NMNAT2: variants seen among roughly 807,000 people sequenced by gnomAD.
The protein encoded by NMNAT2 is nicotinamide nucleotide adenylyltransferase 2.
A neutral mutation model predicts 41.6 loss-of-function variants in NMNAT2; 11 were observed. That is an observed-to-expected ratio of 0.26 (90% CI 0.17 to 0.44). The LOEUF is 0.44. Ranked by LOEUF, NMNAT2 falls within the 20% of genes least tolerant of loss-of-function variation. The pLI, the probability that NMNAT2 is intolerant of heterozygous loss-of-function variation, is 1.00. For missense variants in NMNAT2, 288 were observed against 407.7 expected (o/e 0.71, Z 2.53); for synonymous variants, 148 against 151.2 (o/e 0.98, Z 0.16).
intron 1 of NMNAT2, among the ~76,000 whole-genome samples, chr1:183,348,488 C>G (rs1266113619): frequency 6.6e-6 from 1 of 152,144 alleles, no homozygotes; most frequent in East Asian, 1.9e-4. Context: ...TATTTATGTT[C>G]TTTGTTCCTA....
intron 4 of NMNAT2, among the ~76,000 whole-genome samples, chr1:183,289,493 G>A (rs1172067820): frequency 2.0e-5 from 3 of 152,232 alleles, no homozygotes; most frequent in South Asian, 2.1e-4. Context: ...AGAAGCTCTC[G>A]CCTATCTGTG....
chr1:183,328,070 A>G (rs1424015682), intron 1 of NMNAT2, among the ~76,000 whole-genome samples: 2 of 152,206 alleles, frequency 1.3e-5, no homozygotes, highest in Non-Finnish European at 2.9e-5. Context: ...GACTTGGGCC[A>G]GAGAGGGGAG....
chr1:183,261,771 T>C (rs1387552918), intron 8 of NMNAT2, among the ~76,000 whole-genome samples: 1 of 152,190 alleles, frequency 6.6e-6, no homozygotes, highest in Non-Finnish European at 1.5e-5. Context: ...TAAAAACTTC[T>C]GTGGGACTCA....
intron 8 of NMNAT2, among the ~76,000 whole-genome samples, chr1:183,268,186 A>T (rs1356227049): frequency 6.6e-6 from 1 of 151,892 alleles, no homozygotes; most frequent in Non-Finnish European, 1.5e-5. Flanking sequence ...AAGAGAAAAC[A>T]CTCATGATCC....
chr1:183,289,041 G>A (rs564636472), intron 4 of NMNAT2, among the ~76,000 whole-genome samples: 18 of 152,340 alleles, frequency 1.2e-4, no homozygotes, highest in Middle Eastern at 3.4e-3. Context: ...TCCCCAGGAC[G>A]GAGCAATGAA....
chr1:183,393,995 T>C (rs958750605), intron 1 of NMNAT2, among the ~76,000 whole-genome samples: 3 of 152,138 alleles, frequency 2.0e-5, no homozygotes, highest in East Asian at 1.9e-4. Context: ...AGAGAAGAGA[T>C]GGACAATAAA....
At chr1:183,255,025 C>T (rs1660481288) in intron 10 of NMNAT2, among the ~76,000 whole-genome samples, 1 of 152,078 alleles carries the variant, frequency 6.6e-6, no homozygotes, top group Non-Finnish European at 1.5e-5. Flanking sequence ...TTTATGTTTT[C>T]TTCTGTTTTT....
intron 1 of NMNAT2, among the ~76,000 whole-genome samples, chr1:183,312,960 A>G (rs961210742): frequency 2.0e-5 from 3 of 152,104 alleles, no homozygotes; most frequent in African/African-American, 7.2e-5. Flanking sequence ...TCTTGTAATT[A>G]TTCAAGGTTA....
chr1:183,377,937 A>G (rs1663714721), intron 1 of NMNAT2, among the ~76,000 whole-genome samples: 1 of 152,246 alleles, frequency 6.6e-6, no homozygotes, highest in Non-Finnish European at 1.5e-5. Context: ...TGAAAATACT[A>G]GAAATCAAAA....
intron 7 of NMNAT2, among the ~76,000 whole-genome samples, chr1:183,280,535 C>A (rs1379488177): frequency 6.6e-6 from 1 of 151,008 alleles, no homozygotes; most frequent in Admixed American, 6.6e-5. Flanking sequence ...TTACAGGTGC[C>A]TGCCACCACA....
intron 1 of NMNAT2, among the ~76,000 whole-genome samples, chr1:183,309,164 C>A (rs1662056391): frequency 6.6e-6 from 1 of 152,104 alleles, no homozygotes; most frequent in South Asian, 2.1e-4. Flanking sequence ...CACACCAGGC[C>A]AATTTTTAAA....
chr1:183,414,141 A>G (rs772017998), intron 1 of NMNAT2, among the ~76,000 whole-genome samples: 4 of 152,222 alleles, frequency 2.6e-5, no homozygotes, highest in Non-Finnish European at 1.5e-5. Context: ...CAGTGAAAAG[A>G]TAATAGTTTT....
At chr1:183,272,502 GA>G (rs1661010781) in intron 8 of NMNAT2, among the ~76,000 whole-genome samples, 1 of 152,228 alleles carries the variant, frequency 6.6e-6, no homozygotes, top group African/African-American at 2.4e-5. Flanking sequence ...ACTGGTCAGA[GA>G]GGGTCAGAAT....
chr1:183,389,831 A>T (rs1289138737), intron 1 of NMNAT2, among the ~76,000 whole-genome samples: 2 of 68,130 alleles, frequency 2.9e-5, no homozygotes, highest in Non-Finnish European at 6.4e-5. Context: ...AAAGAAAGAA[A>T]GAAAGAAAGA....
intron 1 of NMNAT2, among the ~76,000 whole-genome samples, chr1:183,394,809 T>C (rs1244009813): frequency 2.0e-5 from 3 of 152,154 alleles, no homozygotes; most frequent in African/African-American, 7.2e-5. Flanking sequence ...CGCAAGTCAC[T>C]CCATTCTCAC....
At position 183,399,903 on chromosome 1, in the gene NMNAT2, G is replaced by A. The variant is rs187555535; in HGVS notation, c.85+18280C>T. On this transcript the variant is annotated intron_variant, in intron 1 of 10. Coordinates refer to ENST00000287713, the MANE Select transcript of NMNAT2 (RefSeq NM_015039.4). ...ACTCTCAATAAACTAGGTATTGACG[G>A]GGCATATCTCAAAATAATAAGAGCT... 2.8e-3 allele frequency among the ~76,000 whole-genome samples: 426 copies of A among 152,198 alleles called. 2 individuals carry two copies. The highest frequency in any genetic ancestry group is 9.3e-3 in the African/African-American group (386 of 41,524).
At chr1:183,399,584 CA>C (rs1428092864) in intron 1 of NMNAT2, among the ~76,000 whole-genome samples, 1 of 152,112 alleles carries the variant, frequency 6.6e-6, no homozygotes, top group East Asian at 1.9e-4. Context: ...ATCCTGATAC[CA>C]AAGCCTGGCA....
At chr1:183,394,591 C>A (rs1311362897) in intron 1 of NMNAT2, among the ~76,000 whole-genome samples, 1 of 152,198 alleles carries the variant, frequency 6.6e-6, no homozygotes, top group Non-Finnish European at 1.5e-5. Context: ...GAGCAAAAAT[C>A]TGGCTGAAAA....
chr1:183,365,627 G>A (rs777889107), intron 1 of NMNAT2, among the ~76,000 whole-genome samples: 6 of 152,114 alleles, frequency 3.9e-5, no homozygotes, highest in Non-Finnish European at 5.9e-5. Context: ...GCATGGTGGC[G>A]TGCACCTAGC....
Sources: allele counts gnomAD v4.1 joint callset (sites outside exome capture counted in the v4.1 genomes callset), GRCh38; gene constraint gnomAD v4.1.1; transcripts MANE v1.5; gene names NCBI Gene and HGNC (gene_info 2026-07-23, HGNC 2026-07-21).